C1orf159: variants seen among roughly 807,000 people sequenced by gnomAD.
The protein encoded by C1orf159 is chromosome 1 open reading frame 159.
In C1orf159, 19 loss-of-function variants were observed where a neutral mutation model predicts 25.6. That is an observed-to-expected ratio of 0.74 (90% CI 0.52 to 1.09). The LOEUF (loss-of-function observed/expected upper bound fraction) is 1.09, where lower values mean the gene tolerates loss of function less well. C1orf159 is among the 50% of genes least tolerant of loss of function. The pLI is 0.00. For synonymous variants in C1orf159, 139 were observed against 124.7 expected, an observed-to-expected ratio of 1.12 and a Z score of -0.77; for missense variants, 274 against 290.6, an observed-to-expected ratio of 0.94 and a Z score of 0.42.
At chr1:1,105,224 A>G (rs186682002) in intron 1 of C1orf159, among the ~76,000 whole-genome samples, 4 of 152,382 alleles carry the variant, frequency 2.6e-5, no homozygotes, top group South Asian at 2.1e-4. Context: ...GAAATTTTCA[A>G]TTTAAGAAGT....
rs566207422 is a variant in C1orf159, at chr1:1,092,034, G to A, written c.-66C>T. The A allele has an allele frequency of 8.8e-6, 4 of 456,232 alleles. No individual in the cohort carries two copies. The highest frequency in any genetic ancestry group is 3.1e-5 in the South Asian group (2 of 64,540). 28.3% of individuals were successfully genotyped at this position (456,232 alleles called of 1,614,324 possible). On this transcript the variant is annotated 5_prime_UTR_variant, in exon 2 of 10. Transcript: ENST00000421241. ...GACTACCGACATCAGCCCTTTGCCC[G>A]CCTGGGTGTTCAGGGGTTAGCTCTG...
intron 1 of C1orf159, among the ~76,000 whole-genome samples, chr1:1,103,637 T>G (rs544308555): frequency 6.4e-4 from 98 of 152,260 alleles, no homozygotes; most frequent in Non-Finnish European, 1.2e-3. Flanking sequence ...TCTGGCTCTT[T>G]CTGGGGCTTC....
intron 1 of C1orf159, among the ~76,000 whole-genome samples, chr1:1,098,284 T>C (rs1330579723): frequency 2.0e-5 from 3 of 152,032 alleles, no homozygotes; most frequent in East Asian, 1.9e-4. Context: ...CTGGCCAGGA[T>C]AGTCTTGAAC....
chr1:1,109,268 G>C (rs1194954121), intron 1 of C1orf159, among the ~76,000 whole-genome samples: 1 of 152,256 alleles, frequency 6.6e-6, no homozygotes, highest in Admixed American at 6.5e-5. Context: ...AGTGAAAGCA[G>C]CTCATCACAA....
intron 1 of C1orf159, among the ~76,000 whole-genome samples, chr1:1,100,249 C>T (rs1188282989): frequency 1.3e-5 from 2 of 151,188 alleles, no homozygotes; most frequent in Non-Finnish European, 3.0e-5. Context: ...ATATAATTAT[C>T]ATTATGGGTA....
intron 1 of C1orf159, among the ~76,000 whole-genome samples, chr1:1,114,009 C>T (rs1198335799): frequency 1.3e-5 from 2 of 151,456 alleles, no homozygotes; most frequent in South Asian, 2.1e-4. Context: ...CTCCGCCTCC[C>T]GAGTTCAAGC....
intron 1 of C1orf159, among the ~76,000 whole-genome samples, chr1:1,102,652 G>C (rs1207509443): frequency 1.7e-5 from 2 of 119,608 alleles, no homozygotes; most frequent in African/African-American, 6.1e-5. Context: ...AAAAAAAATT[G>C]CCAGGCGTAG....
At position 1,085,941 on chromosome 1, in the gene C1orf159, C is replaced by A; in HGVS notation, c.382G>T (p.Ala128Ser). ...GAGCGCTTGAGGTAGAAGAACCCAGCTACGGAGAGGATGAGGCCGGAGCTA... is the reference window on the plus strand; with the variant it reads ...GAGCGCTTGAGGTAGAAGAACCCAGATACGGAGAGGATGAGGCCGGAGCTA... ...FISSGLILSVAGFFYLKRSSK... is the reference protein window; with the variant it reads ...FISSGLILSVSGFFYLKRSSK... The change falls in exon 7 of 10, where the codon GCT (alanine) becomes TCT (serine). Residue 128 changes from alanine (A) to serine (S), a missense_variant. Ala to Ser is a moderately conservative substitution (Grantham distance 99, BLOSUM62 1). Transcript: ENST00000421241. The A allele has an allele frequency of 6.2e-7, 1 of 1,613,460 alleles. No homozygotes were observed. The highest frequency in any genetic ancestry group is 8.5e-7 in the Non-Finnish European group (1 of 1,179,824).
intron 7 of C1orf159, chr1:1,085,377 C>T (rs2100741001): frequency 3.0e-6 from 1 of 335,648 alleles, no homozygotes; most frequent in Middle Eastern, 1.1e-3. Context: ...GCACCACAGT[C>T]ACAAGGCCGT....
chr1:1,083,770 AAG>A, intron 9 of C1orf159: 3 of 746,426 alleles, frequency 4.0e-6, no homozygotes, highest in African/African-American at 1.8e-5. Context: ...CTGTCCCCTA[AAG>A]GCACGGTCAC....
At chr1:1,086,132 G>C in intron 6 of C1orf159, 120 bp from the exon 7 acceptor site, 2 of 1,261,862 alleles carry the variant, frequency 1.6e-6, no homozygotes, top group Non-Finnish European at 1.1e-6. Flanking sequence ...AGCCTCACGG[G>C]ACCGGCTGTG....
chr1:1,105,951 C>T (rs892298705), intron 1 of C1orf159: 3 of 152,178 alleles, frequency 2.0e-5, no homozygotes, highest in Non-Finnish European at 4.4e-5. Flanking sequence ...AATTTTCTAG[C>T]ATACCTAGAA....
At chr1:1,086,599 G>A (rs1051434660) in intron 6 of C1orf159, among the ~76,000 whole-genome samples, 9 of 152,188 alleles carry the variant, frequency 5.9e-5, no homozygotes, top group African/African-American at 9.7e-5. Context: ...TGGGGGCCTC[G>A]CTCCTTCCTG....
intron 1 of C1orf159, among the ~76,000 whole-genome samples, chr1:1,111,637 C>G (rs918950195): frequency 1.3e-5 from 2 of 152,170 alleles, no homozygotes; most frequent in South Asian, 4.1e-4. Context: ...AAAGCAACCA[C>G]CGGCTGGGGC....
chr1:1,111,374 A>G (rs1338152728), intron 1 of C1orf159, among the ~76,000 whole-genome samples: 4 of 150,712 alleles, frequency 2.7e-5, no homozygotes, highest in African/African-American at 9.9e-5. Context: ...CCAAAAAAAA[A>G]AAAAAAAAAA....
intron 9 of C1orf159, chr1:1,084,056 G>T (rs377561021): frequency 6.2e-7 from 1 of 1,609,316 alleles, no homozygotes; most frequent in African/African-American, 1.3e-5. Context: ...GCCCTGTCGT[G>T]GTGGGTCCTC....
intron 1 of C1orf159, chr1:1,092,532 C>T (rs542892948): frequency 6.5e-6 from 1 of 153,412 alleles, no homozygotes; most frequent in Non-Finnish European, 1.5e-5. Context: ...AGTGGTGTCA[C>T]TGCACTGGCT....
chr1:1,115,621 C>A (rs1646327007), intron 1 of C1orf159, among the ~76,000 whole-genome samples: 1 of 91,640 alleles, frequency 1.1e-5, no homozygotes, highest in African/African-American at 3.9e-5. Flanking sequence ...GGACCCCCCT[C>A]CCTCCCCAGG....
intron 1 of C1orf159, among the ~76,000 whole-genome samples, chr1:1,106,335 G>C (rs1221026347): frequency 6.6e-6 from 1 of 152,186 alleles, no homozygotes; most frequent in Non-Finnish European, 1.5e-5. Context: ...ACACCCATTA[G>C]AATGGCTATT....
Sources: gnomAD v4.1 joint callset for allele counts (sites outside exome capture counted in the v4.1 genomes callset) on GRCh38, gnomAD v4.1.1 for gene constraint, MANE v1.5 for transcripts, NCBI Gene and HGNC (gene_info 2026-07-23, HGNC 2026-07-21) for gene names.